GMCL1: variants seen among roughly 807,000 people sequenced by gnomAD.
GMCL1 encodes germ cell-less protein-like 1.
A neutral mutation model predicts 75.5 loss-of-function variants in GMCL1; 54 were observed. That is an observed-to-expected ratio of 0.71 (90% CI 0.57 to 0.90). The LOEUF (loss-of-function observed/expected upper bound fraction) is 0.90, where lower values mean the gene tolerates loss of function less well. GMCL1 is among the 40% of genes least tolerant of loss of function. The pLI, the probability that GMCL1 is intolerant of heterozygous loss-of-function variation, is 0.00. For synonymous variants in GMCL1, 210 were observed against 209.6 expected, an observed-to-expected ratio of 1.00 and a Z score of -0.02; for missense variants, 537 against 622.7, an observed-to-expected ratio of 0.86 and a Z score of 1.47.
intron 8 of GMCL1, among the ~76,000 whole-genome samples, chr2:69,851,492 C>A (rs571659048): frequency 2.0e-5 from 3 of 152,160 alleles, no homozygotes; most frequent in African/African-American, 7.2e-5. Flanking sequence ...CGCCTATAAT[C>A]CCAGCTGCTA....
chr2:69,870,207 T>G (rs982798806), intron 12 of GMCL1, among the ~76,000 whole-genome samples: 2 of 151,766 alleles, frequency 1.3e-5, no homozygotes, highest in Non-Finnish European at 2.9e-5. Flanking sequence ...CCTTAACTTT[T>G]TAAAGGATTT....
At chr2:69,868,510 A>C (rs187352517) in intron 11 of GMCL1, among the ~76,000 whole-genome samples, 278 of 152,142 alleles carry the variant, frequency 1.8e-3, no homozygotes, top group African/African-American at 6.2e-3. Flanking sequence ...TGATATTTAA[A>C]TAACCCAGTT....
intron 13 of GMCL1, among the ~76,000 whole-genome samples, chr2:69,873,380 A>G (rs1676037673): frequency 6.6e-6 from 1 of 152,226 alleles, no homozygotes; most frequent in Non-Finnish European, 1.5e-5. Flanking sequence ...TCGAAAAAAT[A>G]GAAAATATGA....
At position 69,880,986 on chromosome 2, in the gene GMCL1, A is replaced by G. The variant is rs1676262616; in HGVS notation, c.*1982A>G. 6.6e-6 allele frequency: 1 copy of G among 152,182 alleles called. No homozygotes were observed. The highest frequency in any genetic ancestry group is 2.4e-5 in the African/African-American group (1 of 41,442). 9.4% of individuals were successfully genotyped at this position (152,182 alleles called of 1,614,324 possible). A position where few individuals can be genotyped will look rare whatever the true frequency, so the allele number is the denominator to read the frequency against. ...TTCCTTACCCTTTATGTATTGAAAA[A>G]TATATAAATTCCAAACTTAAATTAT... is the stretch of plus-strand genomic sequence containing the variant. On this transcript the variant is annotated 3_prime_UTR_variant, in exon 14 of 14. Transcript: ENST00000282570.
chr2:69,838,782 C>G (rs996213206), intron 2 of GMCL1, among the ~76,000 whole-genome samples: 1 of 152,134 alleles, frequency 6.6e-6, no homozygotes, highest in Admixed American at 6.5e-5. Flanking sequence ...AACTTTACCC[C>G]TCGTGGAAGA....
chr2:69,877,920 T>A (rs1204680394), intron 13 of GMCL1, among the ~76,000 whole-genome samples: 1 of 152,208 alleles, frequency 6.6e-6, no homozygotes, highest in Non-Finnish European at 1.5e-5. Context: ...TAGTATCTTA[T>A]CCAAAATAAA....
chr2:69,832,686 T>G (rs1461246382), intron 1 of GMCL1, among the ~76,000 whole-genome samples: 1 of 152,230 alleles, frequency 6.6e-6, no homozygotes, highest in Admixed American at 6.5e-5. Context: ...GAGTCTTGCT[T>G]CTTTTGTCCA....
At chr2:69,866,513 G>T (rs1024368232) in intron 11 of GMCL1, among the ~76,000 whole-genome samples, 8 of 152,102 alleles carry the variant, frequency 5.3e-5, no homozygotes, top group Non-Finnish European at 1.0e-4. Context: ...GTGTCGCCCA[G>T]GTTGGAGTGC....
intron 1 of GMCL1, among the ~76,000 whole-genome samples, chr2:69,836,607 G>A (rs1415508552): frequency 6.6e-6 from 1 of 152,188 alleles, no homozygotes. Flanking sequence ...GATGTCATCT[G>A]AAACAATTAC....
chr2:69,878,770 T>C, intron 13 of GMCL1, 139 bp from the exon 14 acceptor site: 2 of 703,534 alleles, frequency 2.8e-6, no homozygotes, highest in Non-Finnish European at 5.2e-6. Flanking sequence ...GTCACACAGC[T>C]AATGGGTGGG....
At chr2:69,856,430 G>T (rs1573359771) in intron 9 of GMCL1, among the ~76,000 whole-genome samples, 1 of 152,020 alleles carries the variant, frequency 6.6e-6, no homozygotes, top group Non-Finnish European at 1.5e-5. Flanking sequence ...TTTATTTTAG[G>T]ATTCAACTGT....
chr2:69,861,648 CTAT>C (rs966208759), intron 10 of GMCL1, among the ~76,000 whole-genome samples: 1 of 152,132 alleles, frequency 6.6e-6, no homozygotes, highest in African/African-American at 2.4e-5. Flanking sequence ...ACATACTGAA[CTAT>C]TATTTGAGGT....
chr2:69,848,235 C>T (rs1285053820), intron 7 of GMCL1, among the ~76,000 whole-genome samples: 1 of 152,210 alleles, frequency 6.6e-6, no homozygotes, highest in African/African-American at 2.4e-5. Context: ...TGCCTTTACC[C>T]TTTTGTCCGC....
intron 9 of GMCL1, among the ~76,000 whole-genome samples, chr2:69,859,092 A>T (rs1245229357): frequency 2.1e-5 from 3 of 143,572 alleles, no homozygotes; most frequent in Non-Finnish European, 4.5e-5. Context: ...GTTGCTGTGA[A>T]CCCAGATCGC....
intron 6 of GMCL1, 131 bp downstream of exon 6, chr2:69,844,327 G>A (rs1007671801): frequency 3.0e-5 from 16 of 535,218 alleles, no homozygotes; most frequent in Non-Finnish European, 5.4e-5. Context: ...GAAAGGGCTT[G>A]ACTACATCCA....
chr2:69,838,870 A>T (rs1472170403), intron 2 of GMCL1, among the ~76,000 whole-genome samples: 2 of 152,214 alleles, frequency 1.3e-5, no homozygotes, highest in African/African-American at 4.8e-5. Context: ...TTATTGCTAT[A>T]TTCACAGTGC....
At chr2:69,848,736 G>A (rs979105865) in intron 7 of GMCL1, among the ~76,000 whole-genome samples, 9 of 152,088 alleles carry the variant, frequency 5.9e-5, no homozygotes, top group Non-Finnish European at 7.4e-5. Flanking sequence ...GGATGTTTAC[G>A]TGCCGTGCAC....
intron 7 of GMCL1, among the ~76,000 whole-genome samples, chr2:69,849,051 A>G (rs928340538): frequency 6.6e-6 from 1 of 152,350 alleles, no homozygotes; most frequent in South Asian, 2.1e-4. Context: ...ATTAATATAC[A>G]TATATATTAA....
chr2:69,877,898 AAC>A (rs1676169894), intron 13 of GMCL1, among the ~76,000 whole-genome samples: 1 of 152,230 alleles, frequency 6.6e-6, no homozygotes, highest in South Asian at 2.1e-4. Context: ...TTTGGATTTA[AAC>A]AGTGTTTAAT....
Sources: allele counts gnomAD v4.1 joint callset (sites outside exome capture counted in the v4.1 genomes callset), GRCh38; gene constraint gnomAD v4.1.1; transcripts MANE v1.5; gene names NCBI Gene and HGNC (gene_info 2026-07-23, HGNC 2026-07-21).